The following SCNN1B variants were observed in gnomAD, a reference collection of about 807,000 sequenced individuals.
The protein encoded by SCNN1B is sodium channel epithelial 1 subunit beta, also known as epithelial sodium channel subunit beta.
SCNN1B carries 46 observed loss-of-function variants against 65.3 expected under a neutral mutation model. That is an observed-to-expected ratio of 0.70 (90% CI 0.56 to 0.90). SCNN1B has a LOEUF of 0.90. SCNN1B is among the 40% of genes least tolerant of loss of function. SCNN1B has a pLI of 0.00. For missense variants in SCNN1B, 751 were observed against 830.5 expected, an observed-to-expected ratio of 0.90 and a Z score of 1.18; for synonymous variants, 349 against 330.6, an observed-to-expected ratio of 1.06 and a Z score of -0.60.
In SCNN1B at chr16:23,380,777, T is replaced by G. The variant is rs1352860608; in HGVS notation, c.1899T>G (p.Ser633=). 8.7e-6 allele frequency: 14 copies of G among 1,612,262 alleles called. No individual in the cohort carries two copies. Among genetic ancestry groups the G allele is most frequent in the Non-Finnish European group, 1.2e-5 (14 of 1,179,958 alleles). Residue 633 remains serine, a synonymous_variant, in exon 13 of 13, where the codon TCT becomes TCG. Transcript: ENST00000343070. The surrounding 1 kb of genome is among the most constrained non-coding windows in gnomAD (Gnocchi z 5.4). ...TGCAGCCGCTGGACGTCATCGAGTC[T>G]GACAGTGAGGGTGATGCCATCTAAC... ...LRLQPLDVIE[S]DSEGDAI is the part of the protein sequence containing the mutation.
chr16:23,365,597 GAAAGAAAGAAAGAAAGAAAGAAA>G lies in SCNN1B; in HGVS notation c.777-2248_777-2226del, dbSNP rs1244531955. ...AAAGAAAGAAAGAAAGAGAAAGAAA[GAAAGAAAGAAAGAAAGAAAGAAA>G]AAAGAAAGAAGTCACATCTTGGAAG... On this transcript the variant is annotated intron_variant, in intron 4 of 12. Coordinates refer to ENST00000343070, the MANE Select transcript of SCNN1B (RefSeq NM_000336.3). Among the ~76,000 whole-genome samples the G allele has an allele frequency of 9.9e-4, 59 of 59,832 alleles. 1 individual carries two copies. The highest frequency in any genetic ancestry group is 1.6e-3 in the South Asian group (2 of 1,224). The allele number at this position is 59,832 out of a possible 152,430, so 39.3% of individuals were successfully genotyped here.
chr16:23,362,743 C>A (rs558882856), intron 4 of SCNN1B, among the ~76,000 whole-genome samples: 2 of 152,352 alleles, frequency 1.3e-5, no homozygotes, highest in East Asian at 3.9e-4. Flanking sequence ...CCCCATGCAG[C>A]CTCCTGCTCC....
At chr16:23,299,375 A>T (rs938155707), upstream of SCNN1B, among the ~76,000 whole-genome samples, 1 of 152,100 alleles carries the variant, frequency 6.6e-6, no homozygotes, top group African/African-American at 2.4e-5. Context: ...TGCTATTTTC[A>T]TAGGTCAATA....
chr16:23,362,844 G>A (rs901207426), intron 4 of SCNN1B, among the ~76,000 whole-genome samples: 1 of 152,206 alleles, frequency 6.6e-6, no homozygotes, highest in Non-Finnish European at 1.5e-5. Flanking sequence ...GGCCTGGATT[G>A]AGCTGGTTTG....
At chr16:23,331,522 G>A (rs1961812153) in intron 1 of SCNN1B, among the ~76,000 whole-genome samples, 1 of 151,910 alleles carries the variant, frequency 6.6e-6, no homozygotes, top group African/African-American at 2.4e-5. Flanking sequence ...GATCCGCCAT[G>A]TTGGCCAGGC....
chr16:23,298,836 G>GAGTTCCCAGACATCCCAA (rs1424471992), upstream of SCNN1B, among the ~76,000 whole-genome samples: 1 of 152,100 alleles, frequency 6.6e-6, no homozygotes, highest in Non-Finnish European at 1.5e-5. Flanking sequence ...AACCAGTCTG[G>GAGTTCCCAGACATCCCAA]AGTTCCCAGA....
At chr16:23,378,803 G>A in intron 11 of SCNN1B, 36 bp downstream of exon 11, 4 of 1,603,202 alleles carry the variant, frequency 2.5e-6, no homozygotes, top group Non-Finnish European at 3.4e-6. Flanking sequence ...GGGAAGACAG[G>A]GAAGGGGTCC....
At chr16:23,363,474 C>T (rs567353054) in intron 4 of SCNN1B, among the ~76,000 whole-genome samples, 1 of 152,300 alleles carries the variant, frequency 6.6e-6, no homozygotes, top group East Asian at 1.9e-4. Context: ...CCTCCCCGGG[C>T]TTATGTTCTA....
chr16:23,322,276 G>A (rs188526778), intron 1 of SCNN1B, among the ~76,000 whole-genome samples: 4 of 151,996 alleles, frequency 2.6e-5, no homozygotes, highest in African/African-American at 7.2e-5. Context: ...GCCACAGATC[G>A]GAATGGCATA....
chr16:23,370,295 G>A (rs558439665), intron 5 of SCNN1B, among the ~76,000 whole-genome samples: 4,689 of 152,124 alleles, frequency 0.031, 242 homozygotes, highest in African/African-American at 0.11. Flanking sequence ...TAGTAGAGAC[G>A]AGGTTTCACC....
At chr16:23,370,593 G>A (rs889299) in intron 5 of SCNN1B, among the ~76,000 whole-genome samples, 37,460 of 152,132 alleles carry the variant, frequency 0.25, 4,751 homozygotes, top group East Asian at 0.36. Context: ...CAATAAAAGA[G>A]CAATCACACA....
intron 2 of SCNN1B, among the ~76,000 whole-genome samples, chr16:23,352,021 G>A (rs930478088): frequency 6.6e-6 from 1 of 152,184 alleles, no homozygotes; most frequent in Non-Finnish European, 1.5e-5. Context: ...AGCTATATAT[G>A]GGGACGGTAA....
chr16:23,352,129 G>A (rs186163213), intron 2 of SCNN1B, among the ~76,000 whole-genome samples: 4 of 152,378 alleles, frequency 2.6e-5, no homozygotes, highest in African/African-American at 9.6e-5. Context: ...TCACTCGAAT[G>A]TGAATTTCAT....
At chr16:23,372,034 G>C in intron 7 of SCNN1B, 151 bp downstream of exon 7, 1 of 702,802 alleles carries the variant, frequency 1.4e-6, no homozygotes, top group Non-Finnish European at 2.6e-6. Context: ...TGTGGGACCA[G>C]TCACTTTCCT....
chr16:23,337,772 T>C (rs1961974542), intron 1 of SCNN1B, among the ~76,000 whole-genome samples: 1 of 151,996 alleles, frequency 6.6e-6, no homozygotes, highest in Non-Finnish European at 1.5e-5. Flanking sequence ...TATTTAAACA[T>C]TTAAAACATA....
At chr16:23,367,347 G>T (rs1567314369) in intron 4 of SCNN1B, among the ~76,000 whole-genome samples, 1 of 152,032 alleles carries the variant, frequency 6.6e-6, no homozygotes, top group Non-Finnish European at 1.5e-5. Flanking sequence ...ACCCAGGCTG[G>T]AGTGCAGTGG....
intron 3 of SCNN1B, among the ~76,000 whole-genome samples, chr16:23,354,778 G>C (rs964277562): frequency 6.6e-6 from 1 of 152,170 alleles, no homozygotes; most frequent in Non-Finnish European, 1.5e-5. Flanking sequence ...TATGGGGTTC[G>C]GGGCTAGGAT....
In SCNN1B at chr16:23,377,838, C is replaced by A. The variant is rs767132240; in HGVS notation, c.1404+452C>A. ...CCTTCCACCAATATTCTCCCAGGCA[C>A]TGTGCTGTGTACACAGCACAGAATT... On this transcript the variant is annotated intron_variant, in intron 10 of 12. Transcript: ENST00000343070. 5.4e-4 allele frequency among the ~76,000 whole-genome samples: 82 copies of A among 151,624 alleles called. 1 individual carries two copies. Among genetic ancestry groups the A allele is most frequent in the Non-Finnish European group, 8.1e-4 (55 of 67,950 alleles).
chr16:23,314,646 G>A (rs1269887068), intron 1 of SCNN1B, among the ~76,000 whole-genome samples: 1 of 152,134 alleles, frequency 6.6e-6, no homozygotes, highest in Non-Finnish European at 1.5e-5. Context: ...CTGTGACATG[G>A]CTCTCGAAGC....
Sources: allele counts gnomAD v4.1 joint callset (sites outside exome capture counted in the v4.1 genomes callset), GRCh38; gene constraint gnomAD v4.1.1; non-coding constraint Gnocchi (gnomAD v3.1); transcripts MANE v1.5; gene names NCBI Gene and HGNC (gene_info 2026-07-23, HGNC 2026-07-21).